Variants in EYA4 observed in about 807,000 individuals in gnomAD.
EYA4 encodes EYA transcriptional coactivator and phosphatase 4.
EYA4 carries 31 observed loss-of-function variants against 87.9 expected under a neutral mutation model. The ratio of observed to expected loss-of-function variants is 0.35; its 90% CI spans 0.27 to 0.48. EYA4 has a LOEUF of 0.48. Among genes scored for constraint, EYA4 ranks in the 20% least tolerant of loss-of-function variants. The pLI, the probability that EYA4 is intolerant of heterozygous loss-of-function variation, is 0.99. For missense variants in EYA4, 678 were observed against 761.4 expected (o/e 0.89, Z 1.29); for synonymous variants, 263 against 270.6 (o/e 0.97, Z 0.28).
At chr6:133,322,548 T>C (rs919165227) in intron 2 of EYA4, among the ~76,000 whole-genome samples, 6 of 152,164 alleles carry the variant, frequency 3.9e-5, no homozygotes, top group Non-Finnish European at 7.3e-5. Context: ...TCATGAAGTT[T>C]TTCAGCAATA....
At chr6:133,462,145 T>A (rs1474072043) in intron 7 of EYA4, 190 bp from the exon 8 acceptor site, 1 of 666,070 alleles carries the variant, frequency 1.5e-6, no homozygotes. Context: ...TTGTCTATGG[T>A]CACTAGATTG....
intron 2 of EYA4, among the ~76,000 whole-genome samples, chr6:133,278,363 T>G (rs1190436419): frequency 6.6e-6 from 1 of 152,184 alleles, no homozygotes; most frequent in Admixed American, 6.5e-5. Context: ...CATTTACCTC[T>G]AGCCCAGCAC....
At chr6:133,299,955 C>CTATATATATATATA (rs1016744513) in intron 2 of EYA4, among the ~76,000 whole-genome samples, 4 of 106,206 alleles carry the variant, frequency 3.8e-5, no homozygotes, top group African/African-American at 1.4e-4. Flanking sequence ...ATCTATCTAT[C>CTATATATATATATA]TATATATATA....
chr6:133,415,014 A>G (rs1789587106), intron 3 of EYA4, among the ~76,000 whole-genome samples: 1 of 152,166 alleles, frequency 6.6e-6, no homozygotes, highest in Non-Finnish European at 1.5e-5. Context: ...TATTTCATCC[A>G]ATTTGGTAAA....
At chr6:133,468,544 C>T in intron 10 of EYA4, 22 bp from the exon 11 acceptor site, 1 of 1,582,068 alleles carries the variant, frequency 6.3e-7, no homozygotes, top group Non-Finnish European at 8.7e-7. Context: ...TTCAAACACA[C>T]ACATCTCAAT....
intron 2 of EYA4, among the ~76,000 whole-genome samples, chr6:133,338,083 A>G (rs1782510077): frequency 6.6e-6 from 1 of 152,104 alleles, no homozygotes; most frequent in Non-Finnish European, 1.5e-5. Context: ...TGTAAAAAGA[A>G]CATTCATTCT....
intron 1 of EYA4, among the ~76,000 whole-genome samples, chr6:133,260,360 C>A: frequency 6.6e-6 from 1 of 152,158 alleles, no homozygotes; most frequent in Middle Eastern, 3.2e-3. Flanking sequence ...GCCTCAGCCT[C>A]CCGAATAGCT....
chr6:133,468,738 A>C lies in EYA4; in HGVS notation c.970+7A>C. The stretch of plus-strand genomic sequence containing the variant: ...GGACTGACTAACCAACCAGGTACAG[A>C]TCTTCACCCAGGTGAAATACTTTTA... On this transcript the variant is annotated splice_region_variant and intron_variant, in intron 11 of 19. Coordinates refer to ENST00000355286, the MANE Select transcript of EYA4 (RefSeq NM_004100.5). The C allele has an allele frequency of 1.2e-6, 2 of 1,612,666 alleles. No homozygotes were observed. The highest frequency in any genetic ancestry group is 1.7e-6 in the Non-Finnish European group (2 of 1,178,936).
intron 2 of EYA4, among the ~76,000 whole-genome samples, chr6:133,338,508 G>A (rs192891387): frequency 1.1e-4 from 17 of 152,170 alleles, no homozygotes; most frequent in African/African-American, 3.9e-4. Flanking sequence ...CTTATTTATA[G>A]TGATAACAAT....
intron 2 of EYA4, among the ~76,000 whole-genome samples, chr6:133,357,523 A>AT (rs1784160370): frequency 6.6e-6 from 1 of 152,202 alleles, no homozygotes; most frequent in South Asian, 2.1e-4. Context: ...TGAAGAAATT[A>AT]TTCAGAAAAA....
chr6:133,283,647 A>C (rs983285374), intron 2 of EYA4, among the ~76,000 whole-genome samples: 3 of 152,196 alleles, frequency 2.0e-5, no homozygotes, highest in Admixed American at 6.5e-5. Flanking sequence ...ATATGAACTC[A>C]CATAGTCTTT....
chr6:133,337,537 G>A (rs1394825206), intron 2 of EYA4, among the ~76,000 whole-genome samples: 1 of 152,086 alleles, frequency 6.6e-6, no homozygotes, highest in Non-Finnish European at 1.5e-5. Flanking sequence ...GACATCATGG[G>A]TTTTGCAATC....
chr6:133,528,957 CTGAA>C lies in EYA4; in HGVS notation c.*155_*158del. ...ATTCCAGAATGAAGAATTCAGATTG[CTGAA>C]TGGAGTTAAACTTTAGTGCTACAGA... On this transcript the variant is annotated 3_prime_UTR_variant, in exon 20 of 20. Transcript: ENST00000355286. The C allele has an allele frequency of 6.0e-6, 9 of 1,508,588 alleles. No homozygotes were observed. The highest frequency in any genetic ancestry group is 2.5e-5 in the South Asian group (2 of 81,158). 93.5% of individuals were successfully genotyped at this position (1,508,588 alleles called of 1,614,324 possible). A position where few individuals can be genotyped will look rare whatever the true frequency, so the allele number is the denominator to read the frequency against.
chr6:133,528,133 C>T (rs959699749), intron 19 of EYA4, among the ~76,000 whole-genome samples: 5 of 152,220 alleles, frequency 3.3e-5, no homozygotes, highest in East Asian at 1.9e-4. Flanking sequence ...CTCAATTCTA[C>T]GCCAGTGAAA....
chr6:133,472,620 C>T (rs1583380638), intron 11 of EYA4, among the ~76,000 whole-genome samples: 1 of 37,232 alleles, frequency 2.7e-5, no homozygotes, highest in East Asian at 6.8e-4. Context: ...CTGCTTGGTG[C>T]AGAGCTGAGT....
At chr6:133,331,166 T>A (rs1781929707) in intron 2 of EYA4, among the ~76,000 whole-genome samples, 1 of 151,772 alleles carries the variant, frequency 6.6e-6, no homozygotes, top group Non-Finnish European at 1.5e-5. Context: ...ATAAAATGAA[T>A]GGGCTCTGTG....
At chr6:133,326,482 G>A (rs1461331863) in intron 2 of EYA4, among the ~76,000 whole-genome samples, 1 of 152,178 alleles carries the variant, frequency 6.6e-6, no homozygotes, top group East Asian at 1.9e-4. Flanking sequence ...CAAGCCTTTT[G>A]GATAAGGGAC....
At chr6:133,286,976 G>A (rs1272994801) in intron 2 of EYA4, among the ~76,000 whole-genome samples, 1 of 152,074 alleles carries the variant, frequency 6.6e-6, no homozygotes, top group African/African-American at 2.4e-5. Flanking sequence ...GATGTCAGTA[G>A]CACCCCCCTT....
At position 133,263,811 on chromosome 6, in the gene EYA4, C is replaced by T. The variant is rs1775988016; in HGVS notation, c.-65-10905C>T. ...ACTTTCTGTGACCCAGGCAACTCTG[C>T]ATAGGCAGAAAGATTCTTGAAAGCC... On this transcript the variant is annotated intron_variant, in intron 1 of 19. Transcript: ENST00000355286. Among the ~76,000 whole-genome samples the T allele has an allele frequency of 3.3e-5, 5 of 152,192 alleles. No homozygotes were observed. In the South Asian group the frequency reaches 1.0e-3, roughly 32 times the overall value.
Sources: allele counts gnomAD v4.1 joint callset (sites outside exome capture counted in the v4.1 genomes callset), GRCh38; gene constraint gnomAD v4.1.1; transcripts MANE v1.5; gene names NCBI Gene and HGNC (gene_info 2026-07-23, HGNC 2026-07-21).